The following NOS3 variants were observed in gnomAD, a reference collection of about 807,000 sequenced individuals.
NOS3 encodes the protein nitric oxide synthase 3.
Under a neutral mutation model 144.9 loss-of-function variants are expected in NOS3, and 98 were observed. The observed-to-expected ratio is 0.68, with a 90% CI of 0.57 to 0.80. NOS3 has a LOEUF of 0.80. Ranked by LOEUF, NOS3 falls within the 30% of genes least tolerant of loss-of-function variation. The probability of loss-of-function intolerance (pLI) is 0.00; values close to 1 mark genes in which losing one functional copy is unlikely to be tolerated. For missense variants in NOS3, 1,465 were observed against 1,656.4 expected, an observed-to-expected ratio of 0.88 and a Z score of 2.01; for synonymous variants, 714 against 702.4, an observed-to-expected ratio of 1.02 and a Z score of -0.26.
chr7:151,000,131 AGTGG>A (rs1370642323), intron 9 of NOS3, among the ~76,000 whole-genome samples: 1 of 42,058 alleles, frequency 2.4e-5, no homozygotes, highest in African/African-American at 9.4e-5. Flanking sequence ...TGTGGGTGTG[AGTGG>A]GTGGGTGAGG....
In NOS3 at chr7:151,002,307, G is replaced by A; in HGVS notation, c.1752+3G>A. The A allele has an allele frequency of 1.3e-6, 2 of 1,551,978 alleles. No individual in the cohort carries two copies. Among genetic ancestry groups the A allele is most frequent in the Non-Finnish European group, 1.8e-6 (2 of 1,135,930 alleles). On this transcript the variant is annotated splice_donor_region_variant and intron_variant, in intron 14 of 26. Coordinates refer to ENST00000297494, the MANE Select transcript of NOS3 (RefSeq NM_000603.5). The surrounding 1 kb of genome is among the most constrained non-coding windows in gnomAD (Gnocchi z 4.1). ...GGGATCCCCCGGAGAATGGAGAGGT[G>A]AGAACTTCCAGGAAAGGGGCTGCTG... is the stretch of plus-strand genomic sequence containing the variant.
At position 151,009,044 on chromosome 7, in the gene NOS3, G is replaced by T; in HGVS notation, c.2227G>T (p.Gly743Cys). ...GTACCGGCTGAGCGCCCAGGCCGAG[G>T]GCCTGCAGTTGCTGCCAGGTGGGCC... The part of the protein sequence containing the change: ...QRYRLSAQAE[G>C]LQLLPGLIHV... The change falls in exon 18 of 27, where the codon GGC becomes TGC. Residue 743 changes from glycine (G) to cysteine (C), a missense_variant. Gly to Cys is a radical substitution (Grantham distance 159). Around this residue, in one of 5 missense-constraint regions of NOS3, gnomAD observed 745 missense variants for 853.9 expected, o/e 0.87. Coordinates refer to ENST00000297494, the MANE Select transcript of NOS3 (RefSeq NM_000603.5). 1 of 1,612,758 alleles carries T rather than the reference G, an allele frequency of 6.2e-7. No individual in the cohort carries two copies. Among genetic ancestry groups the T allele is most frequent in the South Asian group, 1.1e-5 (1 of 90,958 alleles).
intron 15 of NOS3, 31 bp downstream of exon 15, chr7:151,006,525 G>A (rs1795208858): frequency 6.4e-7 from 1 of 1,564,148 alleles, no homozygotes; most frequent in African/African-American, 1.4e-5. Context: ...GGGGAGCTGG[G>A]GGAGCTGATG....
intron 16 of NOS3, 29 bp downstream of exon 16, chr7:151,007,034 G>C: frequency 6.2e-7 from 1 of 1,613,862 alleles, no homozygotes; most frequent in Non-Finnish European, 8.5e-7. Flanking sequence ...GGGGTGCAAC[G>C]GGTGGGCAAG....
In NOS3 at chr7:151,002,036, GAGGAC is replaced by G; in HGVS notation, c.1647+76_1647+80del. 6.3e-7 allele frequency: 1 copy of G among 1,576,488 alleles called. No individual in the cohort carries two copies. Among genetic ancestry groups the G allele is most frequent in the Non-Finnish European group, 8.7e-7 (1 of 1,152,054 alleles). On this transcript the variant is annotated intron_variant, in intron 13 of 26. Transcript: ENST00000297494. The surrounding 1 kb of genome is among the most constrained non-coding windows in gnomAD (Gnocchi z 4.1). ...TATCAGCATCTTCAGGGGTGCCCTG[GAGGAC>G]AGGAAGTGTTACAAGTCAGGACTCA...
rs538685025 is a variant in NOS3 at position 150,998,039 on chromosome 7, C to T, written c.583-318C>T. Among the ~76,000 whole-genome samples, 2 of 152,340 alleles carry T rather than the reference C, an allele frequency of 1.3e-5. No homozygotes were observed. The highest frequency in any genetic ancestry group is 2.4e-5 in the African/African-American group (1 of 41,574). On this transcript the variant is annotated intron_variant, in intron 5 of 26. Coordinates refer to ENST00000297494, the MANE Select transcript of NOS3 (RefSeq NM_000603.5). This position sits in a 1 kb window ranked among gnomAD's most constrained non-coding sequence, Gnocchi z 5.0. ...TTTGCTGCCCACACTCCTAGGCGGC[C>T]TCTTAGACATCCGTTGGTGCCTAAC...
At chr7:150,992,795 A>G (rs1398667162) in intron 1 of NOS3, among the ~76,000 whole-genome samples, 1 of 152,140 alleles carries the variant, frequency 6.6e-6, no homozygotes, top group Non-Finnish European at 1.5e-5. Context: ...CGAAATCACG[A>G]GGCTTCGACC....
In NOS3 at chr7:150,993,675, A is replaced by G; in HGVS notation, c.-51-78A>G. The G allele has an allele frequency of 1.1e-6, 1 of 889,884 alleles. No individual in the cohort carries two copies. Among genetic ancestry groups the G allele is most frequent in the Non-Finnish European group, 1.7e-6 (1 of 592,472 alleles). 55.1% of individuals were successfully genotyped at this position (889,884 alleles called of 1,614,324 possible). ...TTGTTCCTGTCCCATTGTGTATGGG[A>G]TAGGGGCGGGGCGAGGGCCAGCACT... On this transcript the variant is annotated intron_variant, in intron 1 of 26. Transcript: ENST00000297494. This position sits in a 1 kb window ranked among gnomAD's most constrained non-coding sequence, Gnocchi z 4.0.
In NOS3 at chr7:151,000,450, C is replaced by T. The variant is rs753786996; in HGVS notation, c.1132-48C>T. ...CAGAGATAGTCTCCCCACCCCACCC[C>T]CGTGATCACCTCTGTCCCTACCGAT... On this transcript the variant is annotated intron_variant, in intron 9 of 26. Transcript: ENST00000297494. The T allele has an allele frequency of 8.4e-6, 10 of 1,196,522 alleles. No homozygotes were observed. The East Asian group carries it at 2.3e-4, about 28-fold the overall frequency. The allele number at this position is 1,196,522 out of a possible 1,614,324, so 74.1% of individuals were successfully genotyped here.
intron 24 of NOS3, chr7:151,012,879 G>A: frequency 2.8e-6 from 1 of 351,044 alleles, no homozygotes; most frequent in Non-Finnish European, 5.2e-6. Context: ...GAAGAGGGCT[G>A]TGACTGGGAG....
intron 9 of NOS3, 90 bp downstream of exon 9, chr7:150,999,454 G>A: frequency 2.2e-6 from 3 of 1,387,758 alleles, no homozygotes; most frequent in Non-Finnish European, 2.9e-6. Flanking sequence ...CCAGCCACGG[G>A]GACAATCAGA....
intron 14 of NOS3, among the ~76,000 whole-genome samples, chr7:151,004,100 G>A (rs1795170061): frequency 6.6e-6 from 1 of 152,230 alleles, no homozygotes; most frequent in Non-Finnish European, 1.5e-5. Flanking sequence ...ACTTTGGGAG[G>A]CCCAGGTGGG....
rs943588082 is a variant in NOS3 at position 150,996,489 on chromosome 7, C to G, written c.356C>G (p.Ala119Gly). 1.2e-6 allele frequency: 2 copies of G among 1,604,452 alleles called. No individual in the cohort carries two copies. Among genetic ancestry groups the G allele is most frequent in the African/African-American group, 2.7e-5 (2 of 73,462 alleles). Residue 119 changes from alanine to glycine, a missense_variant, in exon 4 of 27, where the codon GCC becomes GGC. By Grantham distance (60) the Ala-to-Gly change is moderately conservative. Coordinates refer to ENST00000297494, the MANE Select transcript of NOS3 (RefSeq NM_000603.5). ...GGCCGGCCCTCCCCCGGCCCCCCGGCCCCTGAGCAGCTGCTGAGTCAGGCC... is the reference window on the plus strand; with the variant it reads ...GGCCGGCCCTCCCCCGGCCCCCCGGGCCCTGAGCAGCTGCTGAGTCAGGCC... ...LQGRPSPGPPAPEQLLSQARD... is the reference protein window; with the variant it reads ...LQGRPSPGPPGPEQLLSQARD...
At chr7:151,006,865 C>A in intron 15 of NOS3, 24 bp from the exon 16 acceptor site, 2 of 1,587,300 alleles carry the variant, frequency 1.3e-6, no homozygotes, top group Non-Finnish European at 1.7e-6. Context: ...CTGTGACAAC[C>A]TTGTCTTTGT....
intron 1 of NOS3, among the ~76,000 whole-genome samples, chr7:150,991,891 G>C (rs1422815842): frequency 6.6e-6 from 1 of 151,614 alleles, no homozygotes; most frequent in Non-Finnish European, 1.5e-5. Context: ...AGCTACTCAG[G>C]AGGCTGGGTC....
Position 151,008,929 on chromosome 7 carries a change from G to A in NOS3, c.2113-1G>A, listed in dbSNP as rs1231931413. The A allele has an allele frequency of 6.2e-7, 1 of 1,607,226 alleles. No homozygotes were observed. The highest frequency in any genetic ancestry group is 8.5e-7 in the Non-Finnish European group (1 of 1,177,886). On this transcript the variant is annotated splice_acceptor_variant, in intron 17 of 26. Coordinates refer to ENST00000297494, the MANE Select transcript of NOS3 (RefSeq NM_000603.5). LOFTEE classifies it high-confidence loss of function. Reference sequence around the variant, plus strand: ...TCAGCCCTCACCGGCCTGTCCCGCAGGCCGCCTGTGAGACCTTCTGTGTGG... The same window carrying A: ...TCAGCCCTCACCGGCCTGTCCCGCAAGCCGCCTGTGAGACCTTCTGTGTGG...
chr7:150,993,466 C>T lies in NOS3; in HGVS notation c.-51-287C>T, dbSNP rs1802297932. ...ACATCACAGAAGGACCTTTATGACC[C>T]CCTGGTGGCTCTACCCTGCCACTCC... On this transcript the variant is annotated intron_variant, in intron 1 of 26. Coordinates refer to ENST00000297494, the MANE Select transcript of NOS3 (RefSeq NM_000603.5). This position sits in a 1 kb window ranked among gnomAD's most constrained non-coding sequence, Gnocchi z 4.0. Among the ~76,000 whole-genome samples, 2 of 152,182 alleles carry T rather than the reference C, an allele frequency of 1.3e-5. No individual in the cohort carries two copies. Among genetic ancestry groups the T allele is most frequent in the African/African-American group, 4.8e-5 (2 of 41,440 alleles).
intron 20 of NOS3, 78 bp downstream of exon 20, chr7:151,009,663 C>T: frequency 7.6e-7 from 1 of 1,318,600 alleles, no homozygotes; most frequent in Non-Finnish European, 1.0e-6. Flanking sequence ...CCTCCAGGAG[C>T]TCAGGACCCG....
At chr7:151,011,418 T>C (rs1238011515) in intron 23 of NOS3, among the ~76,000 whole-genome samples, 1 of 151,360 alleles carries the variant, frequency 6.6e-6, no homozygotes, top group Non-Finnish European at 1.5e-5. Flanking sequence ...GTTTTGGTTT[T>C]TTTTTCCCCC....
Sources: allele counts gnomAD v4.1 joint callset (sites outside exome capture counted in the v4.1 genomes callset), GRCh38; gene constraint gnomAD v4.1.1; regional missense constraint gnomAD v4.1.1; non-coding constraint Gnocchi (gnomAD v3.1); transcripts MANE v1.5; gene names NCBI Gene and HGNC (gene_info 2026-07-23, HGNC 2026-07-21).